ADAM18: variants seen among roughly 807,000 people sequenced by gnomAD.
The protein encoded by ADAM18 is disintegrin and metalloproteinase domain-containing protein 18.
Under a neutral mutation model 94.4 loss-of-function variants are expected in ADAM18, and 117 were observed. The observed-to-expected ratio is 1.24, with a 90% CI of 1.07 to 1.45. The LOEUF is 1.45. ADAM18 is among the 40% of genes most tolerant of loss of function. ADAM18 has a pLI of 0.00. For missense variants in ADAM18, 936 were observed against 880.0 expected, an observed-to-expected ratio of 1.06 and a Z score of -0.81; for synonymous variants, 327 against 291.6, an observed-to-expected ratio of 1.12 and a Z score of -1.24.
At chr8:39,612,870 G>A (rs1819318869) in intron 6 of ADAM18, among the ~76,000 whole-genome samples, 1 of 151,936 alleles carries the variant, frequency 6.6e-6, no homozygotes, top group Non-Finnish European at 1.5e-5. Context: ...ACATGCATGT[G>A]CTAATAGCCT....
At chr8:39,640,389 A>G (rs1325022007) in intron 10 of ADAM18, among the ~76,000 whole-genome samples, 3 of 152,116 alleles carry the variant, frequency 2.0e-5, no homozygotes, top group Non-Finnish European at 4.4e-5. Context: ...ATAGTATTGC[A>G]TGATGTATAT....
chr8:39,620,507 A>G (rs1585906836), intron 6 of ADAM18, among the ~76,000 whole-genome samples: 2 of 148,336 alleles, frequency 1.3e-5, no homozygotes, highest in East Asian at 3.9e-4. Flanking sequence ...ACAGGTAAAC[A>G]TACTTTCTCA....
chr8:39,723,777 A>G lies in ADAM18; in HGVS notation c.2047A>G (p.Thr683Ala). The G allele has an allele frequency of 6.4e-7, 1 of 1,573,960 alleles. No homozygotes were observed. Among genetic ancestry groups the G allele is most frequent in the East Asian group, 2.3e-5 (1 of 42,706 alleles). The change falls in exon 19 of 20, where the codon ACA (threonine) becomes GCA (alanine). Residue 683 changes from threonine (T) to alanine (A), a missense_variant. By Grantham distance (58) the Thr-to-Ala change is moderately conservative. Transcript: ENST00000265707. ...CTTTTATACTGAAAAAGGCTACAATACACACTGGAACAACTGGTTTATTCT... is the reference window on the plus strand; with the variant it reads ...CTTTTATACTGAAAAAGGCTACAATGCACACTGGAACAACTGGTTTATTCT... Reference protein sequence around the residue: ...GDFYTEKGYNTHWNNWFILSF... With the variant: ...GDFYTEKGYNAHWNNWFILSF...
At chr8:39,679,673 C>A (rs1184992909) in intron 15 of ADAM18, among the ~76,000 whole-genome samples, 1 of 152,142 alleles carries the variant, frequency 6.6e-6, no homozygotes, top group Non-Finnish European at 1.5e-5. Context: ...TAGCCACTCT[C>A]AGCAAATTTT....
intron 2 of ADAM18, among the ~76,000 whole-genome samples, chr8:39,593,661 CTA>C (rs1309352463): frequency 6.6e-6 from 1 of 152,098 alleles, no homozygotes; most frequent in Non-Finnish European, 1.5e-5. Context: ...AGTCGAAAGA[CTA>C]TCTTCTGTCA....
At chr8:39,708,389 A>T (rs1822298502) in intron 18 of ADAM18, among the ~76,000 whole-genome samples, 1 of 152,226 alleles carries the variant, frequency 6.6e-6, no homozygotes, top group African/African-American at 2.4e-5. Flanking sequence ...AAAACTAAAC[A>T]AATGATTTTC....
At chr8:39,587,229 G>A (rs1818430781) in intron 2 of ADAM18, among the ~76,000 whole-genome samples, 1 of 152,156 alleles carries the variant, frequency 6.6e-6, no homozygotes, top group African/African-American at 2.4e-5. Context: ...TTTGTGCTAA[G>A]AATGCTGAAC....
intron 2 of ADAM18, among the ~76,000 whole-genome samples, chr8:39,588,622 G>A (rs1031998129): frequency 7.0e-6 from 1 of 143,242 alleles, no homozygotes; most frequent in Non-Finnish European, 1.5e-5. Flanking sequence ...TAGTGCCATT[G>A]TTGGTTCAAC....
chr8:39,584,755 A>G lies in ADAM18; in HGVS notation c.55+78A>G, dbSNP rs111496499. 6.6e-3 allele frequency: 10,064 copies of G among 1,523,142 alleles called. 47 individuals are homozygous for G. Among genetic ancestry groups the G allele is most frequent in the Non-Finnish European group, 7.9e-3 (8,728 of 1,107,652 alleles). 94.4% of individuals were successfully genotyped at this position (1,523,142 alleles called of 1,614,324 possible). On this transcript the variant is annotated intron_variant, in intron 1 of 19. Coordinates refer to ENST00000265707, the MANE Select transcript of ADAM18 (RefSeq NM_014237.3). Reference sequence around the variant, plus strand: ...CTCTTACTGGGAGCAGTTTCTTGTCATTCTGGGACCCTCCCCCTCTCCCTT... The same window carrying G: ...CTCTTACTGGGAGCAGTTTCTTGTCGTTCTGGGACCCTCCCCCTCTCCCTT...
At chr8:39,728,369 G>A (rs1204933542) in intron 19 of ADAM18, among the ~76,000 whole-genome samples, 1 of 151,990 alleles carries the variant, frequency 6.6e-6, no homozygotes, top group East Asian at 1.9e-4. Context: ...CTGATGAACA[G>A]AGATTTTAAT....
chr8:39,639,382 C>G (rs1820173789), intron 10 of ADAM18, among the ~76,000 whole-genome samples: 1 of 151,858 alleles, frequency 6.6e-6, no homozygotes, highest in Non-Finnish European at 1.5e-5. Flanking sequence ...CTCTATTTTG[C>G]TCAATATTAT....
chr8:39,696,378 T>A (rs995115536), intron 17 of ADAM18, among the ~76,000 whole-genome samples: 1 of 151,512 alleles, frequency 6.6e-6, no homozygotes, highest in Non-Finnish European at 1.5e-5. Flanking sequence ...AAGTTTTTAA[T>A]TTTGATGATG....
intron 12 of ADAM18, among the ~76,000 whole-genome samples, chr8:39,654,020 C>T (rs927235393): frequency 6.6e-6 from 1 of 152,198 alleles, no homozygotes; most frequent in Non-Finnish European, 1.5e-5. Context: ...TCTCTGCCTT[C>T]ATGAGATCCA....
chr8:39,608,361 C>G (rs954736787), intron 3 of ADAM18, among the ~76,000 whole-genome samples: 6 of 151,694 alleles, frequency 4.0e-5, no homozygotes, highest in Non-Finnish European at 5.9e-5. Context: ...TGGTCTGATG[C>G]TGTCTTTATC....
intron 12 of ADAM18, among the ~76,000 whole-genome samples, chr8:39,654,417 C>T (rs1820630109): frequency 6.8e-6 from 1 of 147,404 alleles, no homozygotes; most frequent in Non-Finnish European, 1.5e-5. Flanking sequence ...TGTATATAAA[C>T]CACGTTTTCT....
At chr8:39,606,282 T>A in intron 2 of ADAM18, 25 bp from the exon 3 acceptor site, 1 of 1,366,566 alleles carries the variant, frequency 7.3e-7, no homozygotes, top group East Asian at 2.4e-5. Flanking sequence ...TCCTTCACAA[T>A]CTTTACTGAT....
At chr8:39,608,264 A>G (rs185142865) in intron 3 of ADAM18, among the ~76,000 whole-genome samples, 6 of 152,084 alleles carry the variant, frequency 3.9e-5, no homozygotes, top group Non-Finnish European at 7.4e-5. Flanking sequence ...AAGCACCATC[A>G]TGTCTTACAT....
intron 12 of ADAM18, among the ~76,000 whole-genome samples, chr8:39,657,319 T>C: frequency 6.7e-6 from 1 of 150,276 alleles, no homozygotes. Flanking sequence ...TGTTTGTTTG[T>C]TTTTGTTTTT....
At chr8:39,679,726 G>A (rs957959692) in intron 15 of ADAM18, among the ~76,000 whole-genome samples, 4 of 152,120 alleles carry the variant, frequency 2.6e-5, no homozygotes, top group Non-Finnish European at 5.9e-5. Flanking sequence ...TCAAAGTGGG[G>A]CAAGTGACTA....
Sources: allele counts gnomAD v4.1 joint callset (sites outside exome capture counted in the v4.1 genomes callset), GRCh38; gene constraint gnomAD v4.1.1; transcripts MANE v1.5; gene names NCBI Gene and HGNC (gene_info 2026-07-23, HGNC 2026-07-21).